Variants in RBFOX1 observed in about 807,000 individuals in gnomAD.
The protein encoded by RBFOX1 is RNA binding protein fox-1 homolog 1.
Under a neutral mutation model 57.7 loss-of-function variants are expected in RBFOX1, and 8 were observed. The observed-to-expected ratio is 0.14, with a 90% confidence interval of 0.08 to 0.25. The LOEUF (loss-of-function observed/expected upper bound fraction) is 0.25. Among genes scored for constraint, RBFOX1 ranks in the 10% least tolerant of loss-of-function variants. The pLI, the probability that RBFOX1 is intolerant of heterozygous loss-of-function variation, is 1.00. For synonymous variants in RBFOX1, 326 were observed against 222.4 expected (o/e 1.47, Z -4.15); for missense variants, 611 against 548.5 (o/e 1.11, Z -1.14).
chr16:5,655,233 A>T (rs528152242), intron 3 of RBFOX1, among the ~76,000 whole-genome samples: 78 of 152,336 alleles, frequency 5.1e-4, no homozygotes, highest in African/African-American at 1.8e-3. Context: ...GGCTTGTGAT[A>T]ATATGTGAGG....
At chr16:7,420,871 A>G (rs1475677851) in intron 4 of RBFOX1, among the ~76,000 whole-genome samples, 3 of 148,214 alleles carry the variant, frequency 2.0e-5, no homozygotes, top group Non-Finnish European at 3.0e-5. Flanking sequence ...TCAAATCTAT[A>G]TATCTTTTAA....
rs1057492763 is a variant in RBFOX1, at chr16:7,312,105, C to T, written c.28-206042C>T. Among the ~76,000 whole-genome samples the T allele has an allele frequency of 7.9e-5, 12 of 152,204 alleles. No individual in the cohort carries two copies. The South Asian group carries it at 8.3e-4, about 10-fold the overall frequency. On this transcript the variant is annotated intron_variant, in intron 4 of 15. Transcript: ENST00000550418. ...ATAAAGAAATGAAGGAAGGGCCGGG[C>T]GCAGTGGCCCACGCCTGTAATCCCA...
rs573249191 is a variant in RBFOX1 at position 7,290,184 on chromosome 16, C to G, written c.28-227963C>G. 5.3e-5 allele frequency among the ~76,000 whole-genome samples: 8 copies of G among 152,252 alleles called. No homozygotes were observed. The East Asian group carries it at 1.5e-3, about 29-fold the overall frequency. On this transcript the variant is annotated intron_variant, in intron 4 of 15. Transcript: ENST00000550418. ...GCAGGATAAAAGATGCATTTTATGA[C>G]TTCAAATGTGAAGCATGTATCGTAA...
At chr16:6,860,397 T>G (rs1014071999) in intron 3 of RBFOX1, among the ~76,000 whole-genome samples, 1 of 152,202 alleles carries the variant, frequency 6.6e-6, no homozygotes, top group Non-Finnish European at 1.5e-5. Context: ...TCTTCAAATC[T>G]GCAAGTCTTA....
chr16:7,709,526 A>T, intron 15 of RBFOX1: 5 of 1,533,202 alleles, frequency 3.3e-6, no homozygotes, highest in Non-Finnish European at 4.4e-6. Flanking sequence ...CAGACTTCAG[A>T]GGAGCTAAGC....
intron 2 of RBFOX1, among the ~76,000 whole-genome samples, chr16:5,501,390 A>G (rs2151698568): frequency 6.6e-6 from 1 of 150,936 alleles, no homozygotes; most frequent in East Asian, 1.9e-4. Flanking sequence ...GCAGGCTCCC[A>G]CATTTCTAAA....
chr16:5,520,789 A>C (rs920755506), intron 2 of RBFOX1, among the ~76,000 whole-genome samples: 1 of 152,214 alleles, frequency 6.6e-6, no homozygotes, highest in Non-Finnish European at 1.5e-5. Context: ...GTGAGCAGAG[A>C]TGACAGTTTG....
At chr16:7,465,642 A>G (rs2060379478) in intron 4 of RBFOX1, among the ~76,000 whole-genome samples, 1 of 152,198 alleles carries the variant, frequency 6.6e-6, no homozygotes. Flanking sequence ...CTGCTTTTCT[A>G]AAGCCCACTC....
chr16:5,342,449 C>T (rs2065052965), intron 1 of RBFOX1, among the ~76,000 whole-genome samples: 1 of 152,174 alleles, frequency 6.6e-6, no homozygotes, highest in South Asian at 2.1e-4. Context: ...TTTCTTCCTG[C>T]TCTGTGACCC....
intron 10 of RBFOX1, among the ~76,000 whole-genome samples, chr16:7,620,215 A>G (rs545983178): frequency 6.6e-6 from 1 of 152,274 alleles, no homozygotes; most frequent in Non-Finnish European, 1.5e-5. Context: ...ACTGATTACT[A>G]TTTGCCAAAC....
rs185784068 is a variant in RBFOX1, at chr16:6,792,710, A to C, written c.-16+138060A>C. On this transcript the variant is annotated intron_variant, in intron 3 of 15. Transcript: ENST00000550418. ...TGTATCTGACATTCTAAAGAATTCAAAATAGATTGTTCTTGAAGGGGATAT... is the reference window on the plus strand; with the variant it reads ...TGTATCTGACATTCTAAAGAATTCACAATAGATTGTTCTTGAAGGGGATAT... Among the ~76,000 whole-genome samples, 66 of 152,134 alleles carry C rather than the reference A, an allele frequency of 4.3e-4. No individual in the cohort carries two copies. In the East Asian group the frequency reaches 0.012, roughly 28 times the overall value.
At chr16:5,955,930 G>A (rs1411335943) in intron 4 of RBFOX1, among the ~76,000 whole-genome samples, 1 of 152,160 alleles carries the variant, frequency 6.6e-6, no homozygotes, top group African/African-American at 2.4e-5. Flanking sequence ...AATACCAAAT[G>A]TTGGTGAGGA....
chr16:6,912,724 C>T, intron 3 of RBFOX1, among the ~76,000 whole-genome samples: 1 of 151,864 alleles, frequency 6.6e-6, no homozygotes, highest in Non-Finnish European at 1.5e-5. Flanking sequence ...CTCAAGCAAG[C>T]CTACTACCTC....
At chr16:7,420,938 T>TAC (rs917264873) in intron 4 of RBFOX1, among the ~76,000 whole-genome samples, 1,429 of 140,096 alleles carry the variant, frequency 0.01, 16 homozygotes, top group African/African-American at 0.031. Context: ...CATATATATA[T>TAC]ACACACACAC....
At chr16:7,248,084 G>A (rs17143011) in intron 4 of RBFOX1, among the ~76,000 whole-genome samples, 1,624 of 152,312 alleles carry the variant, frequency 0.011, 15 homozygotes, top group African/African-American at 0.03. Flanking sequence ...CTGGAAGGAA[G>A]AATAACCGCT....
intron 1 of RBFOX1, among the ~76,000 whole-genome samples, chr16:5,387,650 G>A (rs1170510474): frequency 6.6e-6 from 1 of 152,250 alleles, no homozygotes; most frequent in Admixed American, 6.5e-5. Context: ...TTCTCTGAGA[G>A]AGGGAGGGGA....
At chr16:5,474,927 A>C (rs937358330) in intron 2 of RBFOX1, among the ~76,000 whole-genome samples, 1 of 152,212 alleles carries the variant, frequency 6.6e-6, no homozygotes, top group African/African-American at 2.4e-5. Context: ...TTAATAGAAA[A>C]TGACCATCTT....
chr16:5,374,862 C>G (rs1378723619), intron 1 of RBFOX1, among the ~76,000 whole-genome samples: 1 of 151,814 alleles, frequency 6.6e-6, no homozygotes, highest in Admixed American at 6.6e-5. Context: ...TTTGTTTTCT[C>G]TCTTATCATG....
chr16:6,550,154 C>T (rs1014318495), intron 2 of RBFOX1, among the ~76,000 whole-genome samples: 2 of 152,046 alleles, frequency 1.3e-5, no homozygotes, highest in South Asian at 2.1e-4. Context: ...CTCTATCTCT[C>T]ACTGTTCTTC....
Sources: allele counts gnomAD v4.1 joint callset (sites outside exome capture counted in the v4.1 genomes callset), GRCh38; gene constraint gnomAD v4.1.1; transcripts MANE v1.5; gene names NCBI Gene and HGNC (gene_info 2026-07-23, HGNC 2026-07-21).